Variants in PLA2G4E observed in about 807,000 individuals in gnomAD.
PLA2G4E encodes the protein phospholipase A2 group IVE, also known as cytosolic phospholipase A2 epsilon.
A neutral mutation model predicts 109.1 loss-of-function variants in PLA2G4E; 84 were observed. The observed-to-expected ratio is 0.77, with a 90% confidence interval of 0.65 to 0.92. The LOEUF is 0.92. Ranked by LOEUF, PLA2G4E falls within the 40% of genes least tolerant of loss-of-function variation. The pLI is 0.00. For missense variants in PLA2G4E, 1,057 were observed against 1,076.6 expected (o/e 0.98, Z 0.25); for synonymous variants, 469 against 436.1 (o/e 1.08, Z -0.94).
chr15:42,026,374 A>C lies in PLA2G4E; in HGVS notation c.184-12617T>G, dbSNP rs576695084. Among the ~76,000 whole-genome samples the C allele has an allele frequency of 2.0e-5, 3 of 152,384 alleles. No individual in the cohort carries two copies. The South Asian group carries it at 6.2e-4, about 32-fold the overall frequency. ...AAAGTGACTTACTATATAGAGTAAA[A>C]GAAAACAGCATTCCCATTTCATACC... On this transcript the variant is annotated intron_variant, in intron 1 of 19. Transcript: ENST00000399518.
At chr15:41,981,650 CT>C (rs1212826285) in exon 20 of PLA2G4E, 46 of 152,358 alleles carry the variant, frequency 3.0e-4, no homozygotes, top group African/African-American at 1.1e-3. Context: ...GTTTCACAAA[CT>C]TTTGATGAAT....
At chr15:42,042,098 T>C (rs1031324068) in intron 1 of PLA2G4E, among the ~76,000 whole-genome samples, 2 of 152,194 alleles carry the variant, frequency 1.3e-5, no homozygotes, top group Admixed American at 6.5e-5. Context: ...ACACTCCAAA[T>C]GGTCATAGCA....
In PLA2G4E at chr15:42,026,537, G is replaced by A. The variant is rs957083795; in HGVS notation, c.184-12780C>T. On this transcript the variant is annotated intron_variant, in intron 1 of 19. Transcript: ENST00000399518. ...AAAAAATTGAGAAAGTTGGATAATG[G>A]CAAGTGTTGGTGGGAATATGGGAAT... Among the ~76,000 whole-genome samples the A allele has an allele frequency of 8.5e-5, 13 of 152,304 alleles. 1 individual carries two copies. The highest frequency in any genetic ancestry group is 7.8e-4 in the Admixed American group (12 of 15,302).
intron 1 of PLA2G4E, among the ~76,000 whole-genome samples, chr15:42,026,322 A>G (rs960404353): frequency 2.6e-5 from 4 of 152,248 alleles, no homozygotes; most frequent in African/African-American, 9.6e-5. Context: ...TGGGAAAAGA[A>G]TAAACTGTTT....
At chr15:42,013,576 CGT>C in intron 2 of PLA2G4E, 107 bp downstream of exon 2, 1 of 1,042,092 alleles carries the variant, frequency 9.6e-7, no homozygotes, top group Non-Finnish European at 1.4e-6. Flanking sequence ...CACGTGCACA[CGT>C]GCGCGCGCAC....
chr15:41,986,514 C>G (rs544875714), intron 17 of PLA2G4E, among the ~76,000 whole-genome samples: 2 of 151,948 alleles, frequency 1.3e-5, no homozygotes, highest in South Asian at 4.2e-4. Flanking sequence ...AAGCGGGCAC[C>G]ACTCACATTT....
At chr15:42,040,739 C>T (rs72726102) in intron 1 of PLA2G4E, among the ~76,000 whole-genome samples, 2 of 152,060 alleles carry the variant, frequency 1.3e-5, no homozygotes, top group South Asian at 2.1e-4. Flanking sequence ...TGTGTATGTC[C>T]GCAGTTCCAG....
exon 20 of PLA2G4E, chr15:41,983,094 C>CT (rs1251946102): frequency 6.6e-6 from 1 of 152,586 alleles, no homozygotes; most frequent in Middle Eastern, 3.1e-3. Flanking sequence ...CCAGACCAGC[C>CT]TGTACTAAAA....
In PLA2G4E at chr15:41,987,082, TTTC is replaced by T. The variant is rs1347187252; in HGVS notation, c.2035+87_2035+89del. On this transcript the variant is annotated intron_variant, in intron 17 of 19. Coordinates refer to ENST00000399518, the Ensembl canonical transcript of PLA2G4E. ...GCCCAGTGAACATAGCCAGAGAAGT[TTTC>T]TTATTCTTTATCCATGGCAGCCTTG... 4.4e-6 allele frequency: 6 copies of T among 1,349,476 alleles called. No homozygotes were observed. In the African/African-American group the frequency reaches 8.7e-5, roughly 20 times the overall value. The allele number at this position is 1,349,476 out of a possible 1,614,324, so 83.6% of individuals were successfully genotyped here. A position where few individuals can be genotyped will look rare whatever the true frequency, so the allele number is the denominator to read the frequency against.
chr15:41,983,822 T>C, exon 20 of PLA2G4E: 2 of 1,610,706 alleles, frequency 1.2e-6, no homozygotes, highest in Non-Finnish European at 1.7e-6. Context: ...TGGAGGAGAG[T>C]GTCCTTATTA....
exon 20 of PLA2G4E, chr15:41,982,235 C>T (rs1270977712): frequency 6.6e-6 from 1 of 152,294 alleles, no homozygotes; most frequent in African/African-American, 2.4e-5. Flanking sequence ...CTCATGTCTT[C>T]CTGCCTTTCT....
At chr15:42,045,344 C>T (rs1327716130) in intron 1 of PLA2G4E, among the ~76,000 whole-genome samples, 2 of 151,680 alleles carry the variant, frequency 1.3e-5, no homozygotes, top group Non-Finnish European at 2.9e-5. Context: ...AGTGTGAAAC[C>T]GGGAGGATGG....
chr15:42,037,228 C>T (rs778971460), intron 1 of PLA2G4E, among the ~76,000 whole-genome samples: 20 of 152,210 alleles, frequency 1.3e-4, no homozygotes, highest in Non-Finnish European at 2.6e-4. Context: ...GAGGCCCCAC[C>T]TTCAGGCCAG....
intron 2 of PLA2G4E, 33 bp from the exon 3 acceptor site, chr15:42,007,898 G>T: frequency 6.3e-7 from 1 of 1,578,204 alleles, no homozygotes; most frequent in Non-Finnish European, 8.6e-7. Context: ...ACCAATCCAG[G>T]TTCAGAGAGA....
chr15:41,989,392 T>C (rs1595557562), intron 15 of PLA2G4E, 23 bp downstream of exon 15: 1 of 1,613,454 alleles, frequency 6.2e-7, no homozygotes, highest in Non-Finnish European at 8.5e-7. Context: ...CCCCTGTCAT[T>C]CCGCCAGTTG....
At position 41,996,349 on chromosome 15, in the gene PLA2G4E, AG is replaced by A. The variant is rs1383969309; in HGVS notation, c.1110+774del. On this transcript the variant is annotated intron_variant, in intron 11 of 19. Transcript: ENST00000399518. ...GGTGACAGAGCAAGACCCTGTCTCAAGAAAAAAAAAAAAAAAAAAAAAAAAA... is the reference window on the plus strand; with the variant it reads ...GGTGACAGAGCAAGACCCTGTCTCAAAAAAAAAAAAAAAAAAAAAAAAAAA... Among the ~76,000 whole-genome samples, 110 of 72,574 alleles carry A rather than the reference AG, an allele frequency of 1.5e-3. 1 individual carries two copies. The highest frequency in any genetic ancestry group is 4.6e-3 in the African/African-American group (98 of 21,126). The allele number at this position is 72,574 out of a possible 152,430, so 47.6% of individuals were successfully genotyped here.
intron 1 of PLA2G4E, among the ~76,000 whole-genome samples, chr15:42,024,631 G>T (rs1325570257): frequency 1.3e-5 from 2 of 152,082 alleles, no homozygotes; most frequent in Non-Finnish European, 2.9e-5. Context: ...CGCTTTCCAG[G>T]TGGTTCAGGG....
chr15:41,985,732 G>A (rs1813361973), intron 18 of PLA2G4E, 107 bp downstream of exon 18: 4 of 1,366,358 alleles, frequency 2.9e-6, no homozygotes, highest in Non-Finnish European at 4.0e-6. Context: ...TCTGGGGGCT[G>A]TCTAGAGCAT....
At chr15:41,983,796 T>C (rs1010437520) in exon 20 of PLA2G4E, 3 of 1,606,796 alleles carry the variant, frequency 1.9e-6, no homozygotes, top group Non-Finnish European at 2.5e-6. Flanking sequence ...TCTTCTCCAC[T>C]GCGAGCCGCA....
Sources: allele counts gnomAD v4.1 joint callset (sites outside exome capture counted in the v4.1 genomes callset), GRCh38; gene constraint gnomAD v4.1.1; transcripts MANE v1.5; gene names NCBI Gene and HGNC (gene_info 2026-07-23, HGNC 2026-07-21).